The following GRM5 variants were observed in gnomAD, a reference collection of about 807,000 sequenced individuals.
GRM5 encodes the protein metabotropic glutamate receptor 5.
GRM5 carries 19 observed loss-of-function variants against 83.1 expected under a neutral mutation model. The observed-to-expected ratio is 0.23, with a 90% CI of 0.16 to 0.34. The LOEUF is 0.34. Among genes scored for constraint, GRM5 ranks in the 10% least tolerant of loss-of-function variants. GRM5 has a pLI of 1.00. For synonymous variants in GRM5, 675 were observed against 633.6 expected, an observed-to-expected ratio of 1.07 and a Z score of -0.98; for missense variants, 1,160 against 1,588.3, an observed-to-expected ratio of 0.73 and a Z score of 4.58.
chr11:88,730,000 C>A (rs1030624447), intron 3 of GRM5, among the ~76,000 whole-genome samples: 5 of 152,142 alleles, frequency 3.3e-5, no homozygotes, highest in African/African-American at 1.2e-4. Context: ...ACACCAAAAG[C>A]AATGGCAACA....
chr11:88,575,460 A>T lies in GRM5; in HGVS notation c.1691-7468T>A, dbSNP rs565218420. 6.8e-4 allele frequency among the ~76,000 whole-genome samples: 103 copies of T among 152,278 alleles called. 1 individual carries two copies. Among genetic ancestry groups the T allele is most frequent in the Middle Eastern group, 3.4e-3 (1 of 294 alleles). ...ATCAGGGGAGGCAACTTGGCCAGTT[A>T]CTCCTCTGAAAGAAGTCCTGAGTCT... On this transcript the variant is annotated intron_variant, in intron 7 of 9. Coordinates refer to ENST00000305447, the MANE Select transcript of GRM5 (RefSeq NM_001143831.3).
At position 88,508,074 on chromosome 11, in the gene GRM5, C is replaced by T. The variant is rs1477613492; in HGVS notation, c.*518G>A. The T allele has an allele frequency of 1.3e-5, 2 of 152,794 alleles. No individual in the cohort carries two copies. Among genetic ancestry groups the T allele is most frequent in the African/African-American group, 4.9e-5 (2 of 41,166 alleles). The allele number at this position is 152,794 out of a possible 1,614,324, so 9.5% of individuals were successfully genotyped here. A position where few individuals can be genotyped will look rare whatever the true frequency, so the allele number is the denominator to read the frequency against. The stretch of plus-strand genomic sequence containing the variant: ...AAGTTACTGCTTTTCAAGGTCTTTA[C>T]AGGAAAGAAAAAACAAAAAGAAAGA... On this transcript the variant is annotated 3_prime_UTR_variant, in exon 10 of 10. Coordinates refer to ENST00000305447, the MANE Select transcript of GRM5 (RefSeq NM_001143831.3). This position sits in a 1 kb window ranked among gnomAD's most constrained non-coding sequence, Gnocchi z 4.2.
chr11:88,576,905 T>C (rs1943123089), intron 7 of GRM5, among the ~76,000 whole-genome samples: 1 of 152,176 alleles, frequency 6.6e-6, no homozygotes, highest in Admixed American at 6.6e-5. Flanking sequence ...TGCCAGACCC[T>C]TGTCAAGATC....
intron 2 of GRM5, among the ~76,000 whole-genome samples, chr11:88,956,611 C>G (rs544366384): frequency 8.1e-4 from 122 of 151,342 alleles, no homozygotes; most frequent in Middle Eastern, 3.4e-3. Context: ...TCGAGACCAT[C>G]CTGGCTAACA....
At position 88,981,542 on chromosome 11, in the gene GRM5, T is replaced by C. The variant is rs7120365; in HGVS notation, c.661+65670A>G. 8.0e-3 allele frequency among the ~76,000 whole-genome samples: 1,221 copies of C among 152,066 alleles called. 13 individuals carry two copies. Among genetic ancestry groups the C allele is most frequent in the African/African-American group, 0.028 (1,154 of 41,456 alleles). ...AAAGGATTGCTCTCCAAACTATGAG[T>C]CAAGGAGAGACAGTCATTCGTTCTG... On this transcript the variant is annotated intron_variant, in intron 2 of 9. Transcript: ENST00000305447.
At chr11:88,992,018 C>G (rs1233936053) in intron 2 of GRM5, among the ~76,000 whole-genome samples, 2 of 152,092 alleles carry the variant, frequency 1.3e-5, no homozygotes, top group Non-Finnish European at 2.9e-5. Flanking sequence ...CAAATGGGAT[C>G]TAATTAAACT....
At chr11:88,985,141 T>C (rs531371283) in intron 2 of GRM5, among the ~76,000 whole-genome samples, 3 of 152,232 alleles carry the variant, frequency 2.0e-5, no homozygotes, top group African/African-American at 7.2e-5. Context: ...AATCTCACCA[T>C]GTTTTTTAAG....
At chr11:88,681,019 C>G (rs900592684) in intron 3 of GRM5, among the ~76,000 whole-genome samples, 2 of 152,154 alleles carry the variant, frequency 1.3e-5, no homozygotes, top group Non-Finnish European at 2.9e-5. Flanking sequence ...ATGACTCATT[C>G]TATGTCTCAG....
intron 9 of GRM5, among the ~76,000 whole-genome samples, chr11:88,514,764 G>A (rs536120132): frequency 1.0e-3 from 158 of 152,262 alleles, no homozygotes; most frequent in Non-Finnish European, 2.0e-3. Flanking sequence ...GGAAGGATTT[G>A]CAAATAAAGT....
chr11:88,939,454 CTT>C (rs1408405471), intron 2 of GRM5, among the ~76,000 whole-genome samples: 3 of 151,646 alleles, frequency 2.0e-5, no homozygotes, highest in African/African-American at 2.4e-5. Context: ...AAGCAAAAAA[CTT>C]TTAAAAGTTG....
chr11:88,563,628 A>T (rs753194414), intron 8 of GRM5, among the ~76,000 whole-genome samples: 7 of 152,148 alleles, frequency 4.6e-5, no homozygotes, highest in Non-Finnish European at 7.4e-5. Context: ...CTACATCCAG[A>T]GACTTTATTT....
At chr11:88,834,294 A>T (rs1339812884) in intron 3 of GRM5, among the ~76,000 whole-genome samples, 1 of 150,770 alleles carries the variant, frequency 6.6e-6, no homozygotes, top group Non-Finnish European at 1.5e-5. Context: ...TTTGTAAAAA[A>T]ATTGCCAAAT....
chr11:88,724,653 C>T (rs61902178), intron 3 of GRM5, among the ~76,000 whole-genome samples: 18,724 of 152,144 alleles, frequency 0.12, 1,525 homozygotes, highest in Middle Eastern at 0.19. Context: ...CAGTCTGCAG[C>T]TCCCAGTGAG....
chr11:88,666,351 G>T (rs1324628514), intron 3 of GRM5, among the ~76,000 whole-genome samples: 1 of 152,156 alleles, frequency 6.6e-6, no homozygotes, highest in African/African-American at 2.4e-5. Flanking sequence ...ATCACAACAA[G>T]GTGGAAAAGG....
At chr11:88,618,271 G>T (rs1938537254) in intron 4 of GRM5, among the ~76,000 whole-genome samples, 1 of 152,112 alleles carries the variant, frequency 6.6e-6, no homozygotes, top group Admixed American at 6.6e-5. Context: ...CATTATATTT[G>T]AAACGTCCAG....
At chr11:88,936,091 C>G (rs1002647557) in intron 2 of GRM5, among the ~76,000 whole-genome samples, 23 of 151,764 alleles carry the variant, frequency 1.5e-4, no homozygotes, top group African/African-American at 4.3e-4. Flanking sequence ...GAGTCAGGTA[C>G]AAGACTACAG....
chr11:88,634,216 G>A (rs1389789771), intron 4 of GRM5, among the ~76,000 whole-genome samples: 1 of 152,108 alleles, frequency 6.6e-6, no homozygotes, highest in Non-Finnish European at 1.5e-5. Flanking sequence ...GATGGCCTAG[G>A]ACATTACTGT....
At chr11:88,940,071 C>A (rs1322851446) in intron 2 of GRM5, among the ~76,000 whole-genome samples, 3 of 151,872 alleles carry the variant, frequency 2.0e-5, no homozygotes, top group Non-Finnish European at 2.9e-5. Context: ...TTCTCTCACA[C>A]CTTAGTGGCC....
At chr11:88,864,562 A>C (rs1325789270) in intron 2 of GRM5, among the ~76,000 whole-genome samples, 1 of 152,094 alleles carries the variant, frequency 6.6e-6, no homozygotes, top group Admixed American at 6.6e-5. Flanking sequence ...TAGCATAAGG[A>C]GATTTTGGGC....
Sources: allele counts gnomAD v4.1 joint callset (sites outside exome capture counted in the v4.1 genomes callset), GRCh38; gene constraint gnomAD v4.1.1; non-coding constraint Gnocchi (gnomAD v3.1); transcripts MANE v1.5; gene names NCBI Gene and HGNC (gene_info 2026-07-23, HGNC 2026-07-21).